Variants in CHSY3 observed in about 807,000 individuals in gnomAD.
The protein encoded by CHSY3 is N-acetylgalactosaminyl-proteoglycan 3-beta-glucuronosyltransferase 3.
In CHSY3, 35 loss-of-function variants were observed where a neutral mutation model predicts 67.2. The observed-to-expected ratio is 0.52, with a 90% CI of 0.40 to 0.69. The LOEUF is 0.69. Among genes scored for constraint, CHSY3 ranks in the 30% least tolerant of loss-of-function variants. The pLI, the probability that CHSY3 is intolerant of heterozygous loss-of-function variation, is 0.00. For missense variants in CHSY3, 1,069 were observed against 1,138.5 expected (o/e 0.94, Z 0.88); for synonymous variants, 474 against 434.7 (o/e 1.09, Z -1.12).
intron 2 of CHSY3, among the ~76,000 whole-genome samples, chr5:130,048,273 A>G (rs915587525): frequency 6.6e-6 from 1 of 152,082 alleles, no homozygotes; most frequent in African/African-American, 2.4e-5. Flanking sequence ...AGAACCCTCC[A>G]CATCCACAAA....
rs1159087928 is a variant in CHSY3 at position 129,905,501 on chromosome 5, C to T, written c.672C>T (p.Ile224=). 4 of 1,613,270 alleles carry T rather than the reference C, an allele frequency of 2.5e-6. No individual in the cohort carries two copies. In the East Asian group the frequency reaches 6.7e-5, roughly 27 times the overall value. Residue 224 remains isoleucine, a synonymous_variant, in exon 1 of 3, where the codon ATC becomes ATT. Transcript: ENST00000305031. ...AGCCCCCGCCACCCCTGCCTGTCAT[C>T]GCGCTACCGGGTGTGGACGACTCCT... is the stretch of plus-strand genomic sequence containing the variant. ...AGQPPPPLPV[I]ALPGVDDSYP... is the part of the protein sequence containing the mutation.
chr5:130,105,042 A>C (rs1233468704), intron 2 of CHSY3, among the ~76,000 whole-genome samples: 1 of 151,606 alleles, frequency 6.6e-6, no homozygotes, highest in Non-Finnish European at 1.5e-5. Context: ...GGAAACCATT[A>C]TTGGTGTTTG....
At chr5:130,173,131 AC>A (rs1409864571) in intron 2 of CHSY3, among the ~76,000 whole-genome samples, 1 of 152,038 alleles carries the variant, frequency 6.6e-6, no homozygotes, top group African/African-American at 2.4e-5. Context: ...AAAATACTGG[AC>A]TCACCAAGAA....
intron 2 of CHSY3, among the ~76,000 whole-genome samples, chr5:130,144,577 A>G (rs1444968465): frequency 6.6e-6 from 1 of 152,172 alleles, no homozygotes; most frequent in East Asian, 1.9e-4. Flanking sequence ...TGTCCATACT[A>G]CCTAAAGGAA....
intron 2 of CHSY3, among the ~76,000 whole-genome samples, chr5:130,014,002 C>A (rs1764139289): frequency 6.6e-6 from 1 of 152,136 alleles, no homozygotes; most frequent in Non-Finnish European, 1.5e-5. Context: ...GTTTAAAGTT[C>A]CACATATCCC....
At chr5:130,175,651 A>T (rs993023345) in intron 2 of CHSY3, among the ~76,000 whole-genome samples, 2 of 151,352 alleles carry the variant, frequency 1.3e-5, no homozygotes, top group African/African-American at 4.9e-5. Context: ...CTGGTACCAA[A>T]ACAGATATAT....
At chr5:130,069,746 T>G (rs1766000903) in intron 2 of CHSY3, among the ~76,000 whole-genome samples, 1 of 152,032 alleles carries the variant, frequency 6.6e-6, no homozygotes, top group Non-Finnish European at 1.5e-5. Context: ...GTGCTCTAGA[T>G]TCATCTAATA....
intron 2 of CHSY3, among the ~76,000 whole-genome samples, chr5:130,024,002 T>C (rs1222642248): frequency 6.6e-6 from 1 of 151,928 alleles, no homozygotes; most frequent in African/African-American, 2.4e-5. Context: ...TAGGTATTGG[T>C]AGCAACTCTT....
At position 130,176,121 on chromosome 5, in the gene CHSY3, C is replaced by A. The variant is rs145053281; in HGVS notation, c.1087-8108C>A. 4.6e-5 allele frequency among the ~76,000 whole-genome samples: 7 copies of A among 152,176 alleles called. No individual in the cohort carries two copies. In the East Asian group the frequency reaches 1.4e-3, roughly 29 times the overall value. On this transcript the variant is annotated intron_variant, in intron 2 of 2. Transcript: ENST00000305031. ...TATCCAGCTGACAAAGGGCTAATAT[C>A]CAGAATCCATAGGAACTTAAACAAA...
intron 2 of CHSY3, among the ~76,000 whole-genome samples, chr5:129,929,045 T>C (rs764699073): frequency 6.6e-6 from 1 of 152,180 alleles, no homozygotes; most frequent in Admixed American, 6.5e-5. Context: ...GTTCAAAGAA[T>C]GGCATTTCAT....
intron 2 of CHSY3, among the ~76,000 whole-genome samples, chr5:130,177,975 T>G (rs992068425): frequency 2.6e-5 from 4 of 151,718 alleles, no homozygotes; most frequent in Admixed American, 2.6e-4. Flanking sequence ...TTTCTAGATT[T>G]TATTACCTTT....
intron 2 of CHSY3, among the ~76,000 whole-genome samples, chr5:130,005,244 G>A (rs1405506250): frequency 1.3e-5 from 2 of 151,764 alleles, no homozygotes; most frequent in Admixed American, 6.6e-5. Flanking sequence ...GTGAAACCCC[G>A]TCTCTAGTAA....
intron 2 of CHSY3, among the ~76,000 whole-genome samples, chr5:130,174,880 A>G (rs777202723): frequency 1.3e-4 from 20 of 152,208 alleles, no homozygotes; most frequent in Non-Finnish European, 2.4e-4. Context: ...CATCCATGGC[A>G]TCTGGCTCCA....
intron 2 of CHSY3, among the ~76,000 whole-genome samples, chr5:130,003,357 C>T (rs1763787535): frequency 6.6e-6 from 1 of 152,088 alleles, no homozygotes; most frequent in African/African-American, 2.4e-5. Context: ...TTTTAGTTCC[C>T]TTTGGGGTTT....
chr5:130,124,124 G>C (rs1178849928), intron 2 of CHSY3, among the ~76,000 whole-genome samples: 1 of 151,264 alleles, frequency 6.6e-6, no homozygotes, highest in African/African-American at 2.4e-5. Flanking sequence ...TATAATATAG[G>C]ATTAAGAAAA....
Position 130,185,411 on chromosome 5 carries a change from G to C in CHSY3, c.2269G>C (p.Gly757Arg), listed in dbSNP as rs760621485. Residue 757 changes from glycine to arginine, a missense_variant, in exon 3 of 3, where the codon GGG becomes CGG. This residue lies in a region of CHSY3 where 139 missense variants were observed against 152.8 expected (regional missense o/e 0.91). Coordinates refer to ENST00000305031, the MANE Select transcript of CHSY3 (RefSeq NM_175856.5). ...FSQYDPKVTN[G>R]GNPPTDDYFI... ...CCAGTATGACCCAAAGGTAACAAAC[G>C]GGGGAAATCCTCCCACTGATGATTA... The C allele has an allele frequency of 3.7e-6, 6 of 1,613,134 alleles. No individual in the cohort carries two copies. The African/African-American group carries it at 5.3e-5, about 14-fold the overall frequency.
chr5:130,079,840 A>G (rs1766389155), intron 2 of CHSY3, among the ~76,000 whole-genome samples: 1 of 152,118 alleles, frequency 6.6e-6, no homozygotes, highest in Non-Finnish European at 1.5e-5. Flanking sequence ...ATCAGAAACA[A>G]GGAAGTTTGT....
At chr5:129,982,158 G>T (rs1292179686) in intron 2 of CHSY3, among the ~76,000 whole-genome samples, 1 of 151,850 alleles carries the variant, frequency 6.6e-6, no homozygotes, top group Admixed American at 6.6e-5. Flanking sequence ...TAACATGTTT[G>T]ACACTTGCTG....
intron 2 of CHSY3, among the ~76,000 whole-genome samples, chr5:130,082,036 G>C (rs1766462800): frequency 6.6e-6 from 1 of 151,956 alleles, no homozygotes; most frequent in Non-Finnish European, 1.5e-5. Context: ...ATTATGCGTT[G>C]AACATAATCT....
Sources: gnomAD v4.1 joint callset for allele counts (sites outside exome capture counted in the v4.1 genomes callset) on GRCh38, gnomAD v4.1.1 for gene constraint, gnomAD v4.1.1 regional missense constraint, MANE v1.5 for transcripts, NCBI Gene and HGNC (gene_info 2026-07-23, HGNC 2026-07-21) for gene names.